ZC3H12B: variants seen among roughly 807,000 people sequenced by gnomAD.
ZC3H12B encodes the protein probable ribonuclease ZC3H12B.
ZC3H12B carries 7 observed loss-of-function variants against 43.9 expected under a neutral mutation model. That is an observed-to-expected ratio of 0.16 (90% CI 0.09 to 0.30). The LOEUF (loss-of-function observed/expected upper bound fraction) is 0.30, where lower values mean the gene tolerates loss of function less well. ZC3H12B is among the 10% of genes least tolerant of loss of function. The pLI is 1.00. For synonymous variants in ZC3H12B, 222 were observed against 241.7 expected (o/e 0.92, Z 0.76); for missense variants, 475 against 670.2 (o/e 0.71, Z 3.22).
intron 3 of ZC3H12B, among the ~76,000 whole-genome samples, chrX:65,435,168 A>C (rs1381145373): frequency 8.9e-6 from 1 of 111,813 alleles, no homozygotes; most frequent in Non-Finnish European, 1.9e-5. Context: ...TCTGATTTTT[A>C]ACAATAATAG....
At chrX:65,354,713 GA>G in the ZC3H12B span, among the ~76,000 whole-genome samples, 1 of 111,462 alleles carries the variant, frequency 9.0e-6, no homozygotes, top group East Asian at 2.8e-4. Context: ...TAAGAACCTT[GA>G]AAAAAGGTTA....
At chrX:65,282,357 A>G in the ZC3H12B span, among the ~76,000 whole-genome samples, 1 of 112,060 alleles carries the variant, frequency 8.9e-6, no homozygotes, top group Non-Finnish European at 1.9e-5. Context: ...TGAAATCTCT[A>G]AAATCATAAA....
the ZC3H12B span, among the ~76,000 whole-genome samples, chrX:65,292,219 A>G: frequency 8.9e-6 from 1 of 112,026 alleles, no homozygotes. Context: ...ACAATTCTTT[A>G]TCTCACATGG....
chrX:65,206,755 C>A, the ZC3H12B span, among the ~76,000 whole-genome samples: 3 of 111,475 alleles, frequency 2.7e-5, no homozygotes, highest in African/African-American at 6.5e-5. Context: ...TCTTTGCAAT[C>A]TGTACATCTG....
chrX:65,362,881 C>T (rs751529983), upstream of ZC3H12B, among the ~76,000 whole-genome samples: 2 of 111,382 alleles, frequency 1.8e-5, no homozygotes, highest in Non-Finnish European at 3.8e-5. Context: ...CTATCCACCC[C>T]GTGGTGCCAA....
chrX:65,393,872 A>G (rs1263040401), intron 2 of ZC3H12B, among the ~76,000 whole-genome samples: 1 of 112,005 alleles, frequency 8.9e-6, no homozygotes, highest in Admixed American at 9.4e-5. Context: ...TTGTTTCCAG[A>G]CTTTTTAATA....
At chrX:65,327,007 C>A in the ZC3H12B span, among the ~76,000 whole-genome samples, 5 of 111,134 alleles carry the variant, frequency 4.5e-5, no homozygotes, top group African/African-American at 9.8e-5. Flanking sequence ...AAAAGGGAAA[C>A]CTTGTACATT....
intron 2 of ZC3H12B, among the ~76,000 whole-genome samples, chrX:65,375,767 T>C (rs765703480): frequency 1.2e-4 from 13 of 111,526 alleles, no homozygotes; most frequent in African/African-American, 1.3e-4. Context: ...TAAAGATATA[T>C]TGGCCCCTGA....
the ZC3H12B span, among the ~76,000 whole-genome samples, chrX:65,196,233 C>T: frequency 3.7e-5 from 4 of 108,228 alleles, no homozygotes; most frequent in Non-Finnish European, 5.7e-5. Flanking sequence ...GTTGGAGCCC[C>T]TCGTGAGGCA....
At chrX:65,370,965 T>TA (rs1375110216) in intron 2 of ZC3H12B, among the ~76,000 whole-genome samples, 1 of 111,882 alleles carries the variant, frequency 8.9e-6, no homozygotes, top group East Asian at 2.8e-4. Flanking sequence ...TTGTATAACC[T>TA]AAAAAAAGTT....
the ZC3H12B span, among the ~76,000 whole-genome samples, chrX:65,326,365 G>A: frequency 9.0e-6 from 1 of 111,183 alleles, no homozygotes; most frequent in Non-Finnish European, 1.9e-5. Context: ...AAACATGGAT[G>A]AGACTGGAGG....
At chrX:65,281,219 C>T in the ZC3H12B span, among the ~76,000 whole-genome samples, 25,178 of 107,123 alleles carry the variant, frequency 0.24, 7,554 homozygotes, top group African/African-American at 0.82. Context: ...AATCCACATA[C>T]CTATAGCCAA....
the ZC3H12B span, among the ~76,000 whole-genome samples, chrX:65,293,285 A>G: frequency 1.8e-5 from 2 of 110,580 alleles, no homozygotes; most frequent in South Asian, 7.7e-4. Flanking sequence ...GGAAACTTCA[A>G]TACTAGGGGA....
At chrX:65,448,756 G>A (rs537981609) in intron 3 of ZC3H12B, among the ~76,000 whole-genome samples, 1 of 107,578 alleles carries the variant, frequency 9.3e-6, no homozygotes. Context: ...GGTGGAGGTT[G>A]CAGTGAACCA....
the ZC3H12B span, among the ~76,000 whole-genome samples, chrX:65,285,541 G>A: frequency 9.0e-6 from 1 of 111,604 alleles, no homozygotes; most frequent in Non-Finnish European, 1.9e-5. Context: ...AGACCTTATA[G>A]GCCAGAAGAT....
the ZC3H12B span, among the ~76,000 whole-genome samples, chrX:65,320,271 C>T: frequency 9.0e-6 from 1 of 111,171 alleles, no homozygotes; most frequent in Non-Finnish European, 1.9e-5. Context: ...AAGCCAAGAA[C>T]CAAATCAACA....
chrX:65,362,517 C>G (rs2066117121), upstream of ZC3H12B, among the ~76,000 whole-genome samples: 1 of 110,695 alleles, frequency 9.0e-6, no homozygotes, highest in African/African-American at 3.3e-5. Flanking sequence ...AGGCTACAGC[C>G]ACACCTCATT....
the ZC3H12B span, among the ~76,000 whole-genome samples, chrX:65,170,916 A>C: frequency 9.0e-5 from 10 of 111,528 alleles, no homozygotes; most frequent in Non-Finnish European, 1.7e-4. Flanking sequence ...TATACTGTTT[A>C]TTCTAGTTAG....
the ZC3H12B span, among the ~76,000 whole-genome samples, chrX:65,055,185 C>T: frequency 3.6e-5 from 4 of 111,395 alleles, no homozygotes; most frequent in Admixed American, 3.8e-4. Flanking sequence ...GGAATGCTTC[C>T]AATTTTTGCC....
Sources: gnomAD v4.1 joint callset for allele counts (sites outside exome capture counted in the v4.1 genomes callset) on GRCh38, gnomAD v4.1.1 for gene constraint, MANE v1.5 for transcripts, NCBI Gene and HGNC (gene_info 2026-07-23, HGNC 2026-07-21) for gene names.